ACSM2B: variants seen among roughly 807,000 people sequenced by gnomAD.
The protein encoded by ACSM2B is acyl-coenzyme A synthetase ACSM2B, mitochondrial.
Under a neutral mutation model 78.6 loss-of-function variants are expected in ACSM2B, and 58 were observed. That is an observed-to-expected ratio of 0.74 (90% CI 0.60 to 0.92). The LOEUF is 0.92. ACSM2B is among the 40% of genes least tolerant of loss of function. ACSM2B has a pLI of 0.00. For synonymous variants in ACSM2B, 257 were observed against 256.8 expected (o/e 1.00, Z -0.01); for missense variants, 688 against 711.2 (o/e 0.97, Z 0.37).
intron 1 of ACSM2B, among the ~76,000 whole-genome samples, chr16:20,566,682 GTATATAC>G (rs1567218273): frequency 0.013 from 54 of 4,024 alleles, 2 homozygotes; most frequent in African/African-American, 0.026. Flanking sequence ...TATACATATA[GTATATAC>G]TATATATAGT....
rs141121285 is a variant in ACSM2B at position 20,559,312 on chromosome 16, G to A, written c.313C>T (p.Arg105Cys). 75 of 1,613,138 alleles carry A rather than the reference G, an allele frequency of 4.6e-5. No individual in the cohort carries two copies. Among genetic ancestry groups the A allele is most frequent in the African/African-American group, 4.5e-4 (34 of 74,770 alleles). Residue 105 changes from arginine to cysteine, a missense_variant, in exon 3 of 14, where the codon CGT becomes TGT. By Grantham distance (180) the Arg-to-Cys change is radical. Transcript: ENST00000329697. Reference protein sequence around the residue: ...NILSGACGLQRGDRVAVMLPR... With the variant: ...NILSGACGLQCGDRVAVMLPR... ...AGCATCACTGCCACACGATCCCCAC[G>A]CTGCAGGCCACAGGCTCCCGAGAGG...
intron 8 of ACSM2B, 134 bp downstream of exon 8, chr16:20,547,928 G>C: frequency 6.5e-7 from 1 of 1,528,050 alleles, no homozygotes; most frequent in African/African-American, 1.4e-5. Context: ...CTCAGTACCT[G>C]TCCCTTCACA....
intron 3 of ACSM2B, among the ~76,000 whole-genome samples, chr16:20,557,686 T>A (rs28584767): frequency 0.043 from 6,614 of 152,204 alleles, 422 homozygotes; most frequent in African/African-American, 0.15. Flanking sequence ...GCACTGCCAA[T>A]ATAGCACCTG....
At chr16:20,574,152 G>A (rs111495235) in intron 1 of ACSM2B, 3 of 152,016 alleles carry the variant, frequency 2.0e-5, no homozygotes, top group Non-Finnish European at 2.9e-5. Flanking sequence ...TCCATGCTGG[G>A]AAAAGAATTC....
At chr16:20,548,518 G>A (rs751238118) in intron 6 of ACSM2B, 45 bp from the exon 7 acceptor site, 4 of 1,612,832 alleles carry the variant, frequency 2.5e-6, no homozygotes, top group Non-Finnish European at 3.4e-6. Context: ...CAGGTCAAAT[G>A]CCAACTTATG....
Position 20,540,772 on chromosome 16 carries a change from A to G in ACSM2B, c.1511T>C (p.Val504Ala), listed in dbSNP as rs200676297. 34 of 1,613,584 alleles carry G rather than the reference A, an allele frequency of 2.1e-5. No homozygotes were observed. The East Asian group carries it at 7.4e-4, about 35-fold the overall frequency. Residue 504 changes from valine to alanine, a missense_variant and splice_region_variant, in exon 13 of 14, where the codon GTG (valine) becomes GCG (alanine). Coordinates refer to ENST00000329697, the MANE Select transcript of ACSM2B (RefSeq NM_001105069.2). ...GGCCAGGATCACAAATGCCTTCACC[A>G]CCTGCAAAATAGATGAAGGCCAAGA... ...ISSPDPVRGEVVKAFVILASQ... is the reference protein window; with the variant it reads ...ISSPDPVRGEAVKAFVILASQ...
Position 20,537,071 on chromosome 16 carries a change from C to A in ACSM2B, c.*187G>T. On this transcript the variant is annotated 3_prime_UTR_variant, in exon 14 of 14. Coordinates refer to ENST00000329697, the MANE Select transcript of ACSM2B (RefSeq NM_001105069.2). ...TGTTACCCTCTCCTTTTCACTCTCT[C>A]TCATTCCTTCCCTTTCTTATTTCAA... The A allele has an allele frequency of 1.5e-6, 1 of 660,852 alleles. No individual in the cohort carries two copies. The highest frequency in any genetic ancestry group is 2.5e-5 in the South Asian group (1 of 39,494). The allele number at this position is 660,852 out of a possible 1,614,324, so 40.9% of individuals were successfully genotyped here.
intron 5 of ACSM2B, among the ~76,000 whole-genome samples, chr16:20,552,672 C>T (rs1330175543): frequency 6.6e-6 from 1 of 152,186 alleles, no homozygotes; most frequent in Non-Finnish European, 1.5e-5. Flanking sequence ...AGATGCCTTG[C>T]CAAGTTCAAG....
At chr16:20,546,687 C>G in intron 8 of ACSM2B, 4 of 767,216 alleles carry the variant, frequency 5.2e-6, no homozygotes, top group Non-Finnish European at 7.5e-6. Context: ...AGCAACCCAT[C>G]TACCACTCCC....
Position 20,558,474 on chromosome 16 carries a change from C to T in ACSM2B, c.388+763G>A, listed in dbSNP as rs559321187. 3.9e-5 allele frequency among the ~76,000 whole-genome samples: 6 copies of T among 151,924 alleles called. No individual in the cohort carries two copies. The South Asian group carries it at 1.3e-3, about 32-fold the overall frequency. On this transcript the variant is annotated intron_variant, in intron 3 of 13. Transcript: ENST00000329697. ...ATTATTAAACTCTTCTCTACCACAA[C>T]TCCTACTGTTTTCAGTGTTTGGCTT...
intron 9 of ACSM2B, among the ~76,000 whole-genome samples, chr16:20,545,908 T>A (rs2015126854): frequency 6.6e-6 from 1 of 152,184 alleles, no homozygotes; most frequent in South Asian, 2.1e-4. Context: ...TACACATTCA[T>A]TATAGTGTAT....
intron 12 of ACSM2B, 136 bp downstream of exon 12, chr16:20,542,778 T>A: frequency 8.4e-7 from 1 of 1,187,884 alleles, no homozygotes; most frequent in Non-Finnish European, 1.2e-6. Flanking sequence ...TTACCCAAGG[T>A]CACATAGCTA....
chr16:20,574,153 A>G (rs1298402891), intron 1 of ACSM2B: 1 of 152,084 alleles, frequency 6.6e-6, no homozygotes, highest in East Asian at 1.9e-4. Flanking sequence ...CCATGCTGGG[A>G]AAAGAATTCA....
chr16:20,574,837 G>A (rs1460119130), intron 1 of ACSM2B, among the ~76,000 whole-genome samples: 2 of 150,792 alleles, frequency 1.3e-5, no homozygotes, highest in Admixed American at 6.6e-5. Flanking sequence ...GCAGATTTGA[G>A]GCTCAGTATC....
chr16:20,561,800 G>T (rs1355405466), intron 2 of ACSM2B, among the ~76,000 whole-genome samples: 1 of 151,316 alleles, frequency 6.6e-6, no homozygotes, highest in Non-Finnish European at 1.5e-5. Flanking sequence ...TGCCATGTTG[G>T]TGTGCTGCAC....
intron 6 of ACSM2B, 82 bp downstream of exon 6, chr16:20,552,062 A>C: frequency 6.6e-7 from 1 of 1,524,448 alleles, no homozygotes; most frequent in Non-Finnish European, 8.8e-7. Context: ...AATTAGATGA[A>C]TTGAAACAAA....
At chr16:20,551,744 A>G (rs2015316068) in intron 6 of ACSM2B, among the ~76,000 whole-genome samples, 1 of 152,140 alleles carries the variant, frequency 6.6e-6, no homozygotes, top group African/African-American at 2.4e-5. Flanking sequence ...GCAAATAAAA[A>G]AGGAAATGAA....
intron 6 of ACSM2B, among the ~76,000 whole-genome samples, chr16:20,551,660 C>T (rs1382845323): frequency 6.6e-6 from 1 of 152,022 alleles, no homozygotes; most frequent in African/African-American, 2.4e-5. Context: ...TCTAACACAG[C>T]TAAATTATTT....
intron 2 of ACSM2B, among the ~76,000 whole-genome samples, chr16:20,561,988 G>T (rs1243929426): frequency 6.6e-6 from 1 of 150,588 alleles, no homozygotes; most frequent in Non-Finnish European, 1.5e-5. Context: ...CCTTGCCATG[G>T]TTTGCTGAGA....
Sources: gnomAD v4.1 joint callset for allele counts (sites outside exome capture counted in the v4.1 genomes callset) on GRCh38, gnomAD v4.1.1 for gene constraint, MANE v1.5 for transcripts, NCBI Gene and HGNC (gene_info 2026-07-23, HGNC 2026-07-21) for gene names.